The following BBX variants were observed in gnomAD, a reference collection of about 807,000 sequenced individuals.
BBX encodes the protein BBX high mobility group box domain containing.
A neutral mutation model predicts 100.2 loss-of-function variants in BBX; 30 were observed. That is an observed-to-expected ratio of 0.30 (90% CI 0.22 to 0.41). The LOEUF is 0.41. BBX is among the 10% of genes least tolerant of loss of function. The probability of loss-of-function intolerance (pLI) is 1.00; values close to 1 mark genes in which losing one functional copy is unlikely to be tolerated. For synonymous variants in BBX, 376 were observed against 388.1 expected, an observed-to-expected ratio of 0.97 and a Z score of 0.37; for missense variants, 1,023 against 1,129.8, an observed-to-expected ratio of 0.91 and a Z score of 1.35.
At position 107,636,424 on chromosome 3, in the gene BBX, CT is replaced by C. The variant is rs552738680; in HGVS notation, c.-83-9408del. 2.0e-5 allele frequency among the ~76,000 whole-genome samples: 3 copies of C among 152,282 alleles called. No homozygotes were observed. The South Asian group carries it at 6.2e-4, about 32-fold the overall frequency. ...AAGAAAAGCTAATATGGAAAATACA[CT>C]TTTGTAGCTGATTATTCTGCTATTT... On this transcript the variant is annotated intron_variant, in intron 2 of 17. Transcript: ENST00000325805.
chr3:107,659,884 G>T, intron 3 of BBX: 2 of 497,334 alleles, frequency 4.0e-6, no homozygotes, highest in Middle Eastern at 3.4e-4. Context: ...TAAGAGGGAC[G>T]TATAATATGA....
chr3:107,548,012 A>C (rs1214398997), intron 2 of BBX, among the ~76,000 whole-genome samples: 1 of 152,154 alleles, frequency 6.6e-6, no homozygotes, highest in East Asian at 1.9e-4. Flanking sequence ...TCATGATATA[A>C]AATGCAATTC....
intron 2 of BBX, 138 bp downstream of exon 2, chr3:107,526,536 C>A: frequency 2.5e-6 from 1 of 394,832 alleles, no homozygotes; most frequent in African/African-American, 2.1e-5. Flanking sequence ...TTTCCCACAG[C>A]ATAAGTCAGT....
chr3:107,759,727 T>A (rs1354825950), intron 10 of BBX, among the ~76,000 whole-genome samples: 1 of 152,188 alleles, frequency 6.6e-6, no homozygotes, highest in Non-Finnish European at 1.5e-5. Flanking sequence ...ACACATATTT[T>A]TGGTGCAATG....
intron 5 of BBX, among the ~76,000 whole-genome samples, chr3:107,722,564 A>G (rs753968656): frequency 1.3e-5 from 2 of 152,006 alleles, no homozygotes; most frequent in Non-Finnish European, 2.9e-5. Context: ...ATTTTCATTT[A>G]TGACATTTCC....
chr3:107,631,373 C>A (rs574443392), intron 2 of BBX, among the ~76,000 whole-genome samples: 1 of 152,084 alleles, frequency 6.6e-6, no homozygotes, highest in Non-Finnish European at 1.5e-5. Context: ...GTAGAAGATA[C>A]GTGCGGTGGG....
At chr3:107,592,087 A>C (rs2053359054) in intron 2 of BBX, among the ~76,000 whole-genome samples, 1 of 149,460 alleles carries the variant, frequency 6.7e-6, no homozygotes, top group Admixed American at 6.7e-5. Flanking sequence ...CCCATCAAGA[A>C]GTTAACAGTC....
intron 2 of BBX, among the ~76,000 whole-genome samples, chr3:107,622,321 T>G (rs559765856): frequency 2.5e-4 from 38 of 152,356 alleles, no homozygotes; most frequent in African/African-American, 8.2e-4. Context: ...TAACTATATA[T>G]ATGCAGTTTA....
At chr3:107,777,285 T>C (rs1474005893) in intron 12 of BBX, among the ~76,000 whole-genome samples, 1 of 152,144 alleles carries the variant, frequency 6.6e-6, no homozygotes, top group Non-Finnish European at 1.5e-5. Context: ...AAAGGGGTGC[T>C]TCCATAATTG....
intron 2 of BBX, among the ~76,000 whole-genome samples, chr3:107,620,998 C>G (rs965326651): frequency 2.0e-5 from 3 of 152,024 alleles, no homozygotes; most frequent in African/African-American, 7.3e-5. Context: ...CTACCACCCC[C>G]TCAGTATTGG....
At chr3:107,675,827 T>C (rs139696152) in intron 3 of BBX, among the ~76,000 whole-genome samples, 142 of 152,284 alleles carry the variant, frequency 9.3e-4, no homozygotes, top group Non-Finnish European at 1.5e-3. Context: ...CATCTGTGAA[T>C]TGGGGGACAA....
At chr3:107,527,341 T>C (rs1013608047) in intron 2 of BBX, among the ~76,000 whole-genome samples, 1 of 152,226 alleles carries the variant, frequency 6.6e-6, no homozygotes, top group Non-Finnish European at 1.5e-5. Flanking sequence ...AGAGATTGTA[T>C]TTTGTGAATG....
intron 2 of BBX, among the ~76,000 whole-genome samples, chr3:107,627,620 A>G (rs2056275531): frequency 6.6e-6 from 1 of 152,114 alleles, no homozygotes; most frequent in Non-Finnish European, 1.5e-5. Context: ...ATTTTTTATG[A>G]TTGAATATCA....
At chr3:107,725,316 A>G (rs1015439579) in intron 5 of BBX, among the ~76,000 whole-genome samples, 2 of 152,024 alleles carry the variant, frequency 1.3e-5, no homozygotes, top group East Asian at 1.9e-4. Context: ...GGGCTGAGAC[A>G]ATGGGGTTTT....
intron 2 of BBX, among the ~76,000 whole-genome samples, chr3:107,564,617 G>A (rs1222702517): frequency 1.3e-5 from 2 of 152,080 alleles, no homozygotes; most frequent in African/African-American, 4.8e-5. Flanking sequence ...TTCCAGCCCC[G>A]TCTGTAGTCT....
chr3:107,559,098 A>G (rs557066557), intron 2 of BBX, among the ~76,000 whole-genome samples: 50 of 152,356 alleles, frequency 3.3e-4, no homozygotes, highest in African/African-American at 1.2e-3. Context: ...TTGGCTTATC[A>G]AAGAGAGTTC....
chr3:107,794,793 A>G (rs752510343), intron 15 of BBX, among the ~76,000 whole-genome samples: 1 of 152,198 alleles, frequency 6.6e-6, no homozygotes, highest in Non-Finnish European at 1.5e-5. Context: ...ATGTGAATTC[A>G]TGACTCTGGA....
chr3:107,794,024 G>A (rs1180132588), intron 15 of BBX, among the ~76,000 whole-genome samples: 1 of 152,026 alleles, frequency 6.6e-6, no homozygotes, highest in African/African-American at 2.4e-5. Flanking sequence ...TAGAATTAAA[G>A]GTAGGATTTT....
Position 107,805,564 on chromosome 3 carries a change from G to C in BBX, c.*107G>C. 1 of 1,585,458 alleles carries C rather than the reference G, an allele frequency of 6.3e-7. No homozygotes were observed. On this transcript the variant is annotated 3_prime_UTR_variant, in exon 18 of 18. Coordinates refer to ENST00000325805, the MANE Select transcript of BBX (RefSeq NM_001142568.3). ...GGTGGAAAATATAGACTGCAAACAA[G>C]TGCTTGTTGCCCCACACGGCCCAGA...
Sources: allele counts gnomAD v4.1 joint callset (sites outside exome capture counted in the v4.1 genomes callset), GRCh38; gene constraint gnomAD v4.1.1; transcripts MANE v1.5; gene names NCBI Gene and HGNC (gene_info 2026-07-23, HGNC 2026-07-21).